CD163: variants seen among roughly 807,000 people sequenced by gnomAD.
CD163 encodes the protein CD163 molecule, also known as scavenger receptor cysteine-rich type 1 protein M130.
A neutral mutation model predicts 129.2 loss-of-function variants in CD163; 64 were observed. The ratio of observed to expected loss-of-function variants is 0.50; its 90% confidence interval spans 0.41 to 0.61. The LOEUF (loss-of-function observed/expected upper bound fraction) is 0.61. CD163 is among the 20% of genes least tolerant of loss of function. The pLI, the probability that CD163 is intolerant of heterozygous loss-of-function variation, is 0.00. For missense variants in CD163, 1,061 were observed against 1,377.9 expected (o/e 0.77, Z 3.64); for synonymous variants, 446 against 478.5 (o/e 0.93, Z 0.89).
chr12:7,496,378 G>C lies in CD163; in HGVS notation c.1099+435C>G, dbSNP rs1399560590. Among the ~76,000 whole-genome samples, 1 of 152,098 alleles carries C rather than the reference G, an allele frequency of 6.6e-6. No homozygotes were observed. The highest frequency in any genetic ancestry group is 3.4e-3 in the Middle Eastern group (1 of 294). On this transcript the variant is annotated intron_variant, in intron 5 of 16. Transcript: ENST00000432237. The surrounding 1 kb of genome is among the most constrained non-coding windows in gnomAD (Gnocchi z 4.8). The stretch of plus-strand genomic sequence containing the variant: ...GCATTAGGACAAATACCTAATGCAT[G>C]GGGGGTTAAAACCTAGATGACAGGT...
rs191609615 is a variant in CD163 at position 7,485,627 on chromosome 12, T to G, written c.2459-211A>C. Among the ~76,000 whole-genome samples the G allele has an allele frequency of 6.6e-6, 1 of 152,264 alleles. No homozygotes were observed. Among genetic ancestry groups the G allele is most frequent in the Non-Finnish European group, 1.5e-5 (1 of 68,024 alleles). On this transcript the variant is annotated intron_variant, in intron 10 of 16. Transcript: ENST00000432237. This position sits in a 1 kb window ranked among gnomAD's most constrained non-coding sequence, Gnocchi z 4.5. ...TAAATACATTATAGTTTTTTGGTCT[T>G]TGGTTTTGGACTCAGAGTCCTCTTT...
Position 7,495,236 on chromosome 12 carries a change from G to A in CD163, c.1265C>T (p.Thr422Ile), listed in dbSNP as rs1210394355. 3 of 1,614,070 alleles carry A rather than the reference G, an allele frequency of 1.9e-6. No homozygotes were observed. The highest frequency in any genetic ancestry group is 2.2e-5 in the South Asian group (2 of 91,084). ...GATTTTGGAGTACACTTGATAAGAT[G>A]TTTTGAGTGCAGATCCACATCCCAG... ...RQLGCGSALK[T>I]SYQVYSKIQA... The change falls in exon 6 of 17, where the codon ACA becomes ATA. Residue 422 changes from threonine (T) to isoleucine (I), a missense_variant. By Grantham distance (89) the Thr-to-Ile change is moderately conservative. Coordinates refer to ENST00000432237, the MANE Select transcript of CD163 (RefSeq NM_203416.4).
rs1424881467 is a variant in CD163, at chr12:7,483,520, A to G, written c.2935T>C (p.Phe979Leu). The G allele has an allele frequency of 6.2e-7, 1 of 1,613,996 alleles. No individual in the cohort carries two copies. The highest frequency in any genetic ancestry group is 2.2e-5 in the East Asian group (1 of 44,854). ...QLGCGPALKA[F>L]KEAEFGQGTG... is the part of the protein sequence containing the mutation. ...CCCTGACCAAACTCTGCTTCTTTGA[A>G]TGCTTTCAAAGCTGGACCACAGCCA... is the stretch of plus-strand genomic sequence containing the variant. Residue 979 changes from phenylalanine (F) to leucine (L), a missense_variant, in exon 12 of 17, where the codon TTC (phenylalanine) becomes CTC (leucine). Phe to Leu is a conservative substitution (Grantham distance 22). Coordinates refer to ENST00000432237, the MANE Select transcript of CD163 (RefSeq NM_203416.4).
In CD163 at chr12:7,485,186, T is replaced by C. The variant is rs181112462; in HGVS notation, c.2689A>G (p.Lys897Glu). 6.2e-7 allele frequency: 1 copy of C among 1,614,164 alleles called. No individual in the cohort carries two copies. The highest frequency in any genetic ancestry group is 1.7e-5 in the Admixed American group (1 of 60,022). ...CACTGCCACAGCGTGTCAGGTCCTTTTGGACACTGAACATTGTCCACCCAC... is the reference window on the plus strand; with the variant it reads ...CACTGCCACAGCGTGTCAGGTCCTTCTGGACACTGAACATTGTCCACCCAC... ...PMWVDNVQCPKGPDTLWQCPS... is the reference protein window; with the variant it reads ...PMWVDNVQCPEGPDTLWQCPS... The change falls in exon 11 of 17, where the codon AAA becomes GAA. Residue 897 changes from lysine (K) to glutamate (E), a missense_variant. By Grantham distance (56) the Lys-to-Glu change is moderately conservative. Coordinates refer to ENST00000432237, the MANE Select transcript of CD163 (RefSeq NM_203416.4). The surrounding 1 kb of genome is among the most constrained non-coding windows in gnomAD (Gnocchi z 4.5).
chr12:7,495,499 G>A (rs1051728969), intron 5 of CD163, 98 bp from the exon 6 acceptor site: 1 of 974,918 alleles, frequency 1.0e-6, no homozygotes, highest in South Asian at 1.7e-5. Context: ...CTGATGCATT[G>A]AAAATTATAG....
Position 7,483,358 on chromosome 12 carries a change from G to C in CD163, c.3088+9C>G, listed in dbSNP as rs554863113. The C allele has an allele frequency of 1.9e-6, 3 of 1,605,046 alleles. No homozygotes were observed. Among genetic ancestry groups the C allele is most frequent in the Non-Finnish European group, 2.6e-6 (3 of 1,175,204 alleles). On this transcript the variant is annotated intron_variant, in intron 12 of 16. Transcript: ENST00000432237. ...GATTCCAAGCTCAATCCAGGCTTCT[G>C]GCACTTACCTGTGCAATTCACTGCA...
rs1949383816 is a variant in CD163 at position 7,495,226 on chromosome 12, T to G, written c.1275A>C (p.Gln425His). The change falls in exon 6 of 17, where the codon CAA (glutamine) becomes CAC (histidine). Residue 425 changes from glutamine (Q) to histidine (H), a missense_variant. Gln to His is a conservative substitution (Grantham distance 24, BLOSUM62 0). Coordinates refer to ENST00000432237, the MANE Select transcript of CD163 (RefSeq NM_203416.4). ...GCGSALKTSY[Q>H]VYSKIQATNT... is the part of the protein sequence containing the mutation. ...TTGTTGCCTGGATTTTGGAGTACACTTGATAAGATGTTTTGAGTGCAGATC... is the reference window on the plus strand; with the variant it reads ...TTGTTGCCTGGATTTTGGAGTACACGTGATAAGATGTTTTGAGTGCAGATC... The G allele has an allele frequency of 6.2e-7, 1 of 1,614,170 alleles. No homozygotes were observed. Among genetic ancestry groups the G allele is most frequent in the East Asian group, 2.2e-5 (1 of 44,880 alleles).
chr12:7,499,693 A>C (rs879336238), intron 3 of CD163, among the ~76,000 whole-genome samples: 3 of 152,220 alleles, frequency 2.0e-5, no homozygotes, highest in Non-Finnish European at 4.4e-5. Context: ...ATTTATGATA[A>C]TTTTAAACTT....
chr12:7,475,577 T>C (rs1949076087), intron 16 of CD163, among the ~76,000 whole-genome samples: 1 of 152,134 alleles, frequency 6.6e-6, no homozygotes, highest in Non-Finnish European at 1.5e-5. Flanking sequence ...TAGATATTGA[T>C]GAAACGTATC....
chr12:7,484,529 C>T (rs977795943), intron 11 of CD163, among the ~76,000 whole-genome samples: 4 of 151,462 alleles, frequency 2.6e-5, no homozygotes, highest in African/African-American at 7.3e-5. Flanking sequence ...ATCCCAGCTA[C>T]TCAGGAGGCT....
chr12:7,490,320 T>C (rs1250039946), intron 6 of CD163, among the ~76,000 whole-genome samples: 1 of 151,932 alleles, frequency 6.6e-6, no homozygotes, highest in Non-Finnish European at 1.5e-5. Flanking sequence ...TTACTGTAGC[T>C]GAAATTTAAA....
At chr12:7,495,484 TG>T (rs148210699) in intron 5 of CD163, 83 bp from the exon 6 acceptor site, 62,820 of 1,142,832 alleles carry the variant, frequency 0.055, 1,971 homozygotes, top group African/African-American at 0.085. Flanking sequence ...TTTTCTTCTC[TG>T]ATACTGATGC....
In CD163 at chr12:7,482,820, C is replaced by T. The variant is rs927457115; in HGVS notation, c.3128-58G>A. 30 of 1,600,766 alleles carry T rather than the reference C, an allele frequency of 1.9e-5. No individual in the cohort carries two copies. The South Asian group carries it at 3.0e-4, about 16-fold the overall frequency. On this transcript the variant is annotated intron_variant, in intron 13 of 16. Coordinates refer to ENST00000432237, the MANE Select transcript of CD163 (RefSeq NM_203416.4). ...ATGTCTTATCGAAAAGATCAAGGTC[C>T]CTAGTTACTGATTCTCTCTTAGGTC...
At chr12:7,477,297 T>G (rs1367245537) in intron 16 of CD163, among the ~76,000 whole-genome samples, 3 of 152,150 alleles carry the variant, frequency 2.0e-5, no homozygotes, top group Non-Finnish European at 4.4e-5. Flanking sequence ...ACATGTTTAT[T>G]GCAGCACTAT....
chr12:7,474,227 G>C (rs993490371), intron 16 of CD163, among the ~76,000 whole-genome samples: 3 of 152,100 alleles, frequency 2.0e-5, no homozygotes, highest in Admixed American at 6.5e-5. Flanking sequence ...GGACCAAATG[G>C]ACCTAATAGA....
intron 6 of CD163, among the ~76,000 whole-genome samples, chr12:7,493,626 AC>A (rs1311752259): frequency 6.6e-6 from 1 of 152,156 alleles, no homozygotes; most frequent in African/African-American, 2.4e-5. Flanking sequence ...AAATATACAA[AC>A]CATTATAAAT....
rs1486126963 is a variant in CD163 at position 7,487,342 on chromosome 12, G to T, written c.2050+17C>A. 1.3e-6 allele frequency: 2 copies of T among 1,546,856 alleles called. No individual in the cohort carries two copies. Among genetic ancestry groups the T allele is most frequent in the Non-Finnish European group, 8.7e-7 (1 of 1,149,894 alleles). On this transcript the variant is annotated intron_variant, in intron 8 of 16. Coordinates refer to ENST00000432237, the MANE Select transcript of CD163 (RefSeq NM_203416.4). This position sits in a 1 kb window ranked among gnomAD's most constrained non-coding sequence, Gnocchi z 5.1. ...CTTCTCTTAAGACCCATCACTGGCT[G>T]CCCGTCATCCTCTTACCTGAGCAGA...
At chr12:7,502,926 T>A (rs1000715321) in intron 1 of CD163, among the ~76,000 whole-genome samples, 4 of 152,194 alleles carry the variant, frequency 2.6e-5, no homozygotes, top group African/African-American at 9.6e-5. Context: ...ATTTCTCTAT[T>A]CCCTAACCAC....
chr12:7,474,087 T>C (rs1220033891), intron 16 of CD163, among the ~76,000 whole-genome samples: 1 of 152,152 alleles, frequency 6.6e-6, no homozygotes, highest in Non-Finnish European at 1.5e-5. Context: ...AAGCAAGTTC[T>C]TAGAGACCTA....
Sources: allele counts gnomAD v4.1 joint callset (sites outside exome capture counted in the v4.1 genomes callset), GRCh38; gene constraint gnomAD v4.1.1; non-coding constraint Gnocchi (gnomAD v3.1); transcripts MANE v1.5; gene names NCBI Gene and HGNC (gene_info 2026-07-23, HGNC 2026-07-21).